Variants in HIBCH observed in about 807,000 individuals in gnomAD.
HIBCH encodes 3-hydroxyisobutyryl-CoA hydrolase, mitochondrial.
Under a neutral mutation model 58.2 loss-of-function variants are expected in HIBCH, and 50 were observed. That is an observed-to-expected ratio of 0.86 (90% confidence interval 0.68 to 1.09). HIBCH has a LOEUF of 1.09. Among genes scored for constraint, HIBCH ranks in the 50% least tolerant of loss-of-function variants. The pLI, the probability that HIBCH is intolerant of heterozygous loss-of-function variation, is 0.00. For missense variants in HIBCH, 450 were observed against 449.7 expected, an observed-to-expected ratio of 1.00 and a Z score of -0.01; for synonymous variants, 151 against 146.9, an observed-to-expected ratio of 1.03 and a Z score of -0.20.
At chr2:190,258,414 AG>A (rs1309916739) in intron 7 of HIBCH, among the ~76,000 whole-genome samples, 2 of 152,354 alleles carry the variant, frequency 1.3e-5, no homozygotes, top group African/African-American at 4.8e-5. Flanking sequence ...ATTGCTATAA[AG>A]ATACCTGGAA....
chr2:190,290,393 GA>G lies in HIBCH; in HGVS notation c.385+11del, dbSNP rs374891270. 764 of 1,557,078 alleles carry G rather than the reference GA, an allele frequency of 4.9e-4. 10 individuals are homozygous for G. In the East Asian group the frequency reaches 0.013, roughly 26 times the overall value. On this transcript the variant is annotated intron_variant, in intron 5 of 13. Transcript: ENST00000359678. ...TATTCCATTTCCAAAGCTCTGAGCA[GA>G]ATACACATACCAACAGCATTATTCA...
chr2:190,278,573 G>C (rs1687621595), intron 6 of HIBCH, among the ~76,000 whole-genome samples: 1 of 152,042 alleles, frequency 6.6e-6, no homozygotes, highest in South Asian at 2.1e-4. Context: ...ACAGTCTTTG[G>C]GAGATTTAGA....
intron 7 of HIBCH, among the ~76,000 whole-genome samples, chr2:190,253,104 G>A (rs374516154): frequency 3.9e-5 from 6 of 152,130 alleles, no homozygotes; most frequent in Admixed American, 2.6e-4. Flanking sequence ...CAGGAGAATC[G>A]CTTGAACCCG....
intron 11 of HIBCH, among the ~76,000 whole-genome samples, chr2:190,218,060 A>G (rs926853341): frequency 3.3e-5 from 5 of 152,094 alleles, no homozygotes; most frequent in Admixed American, 3.3e-4. Flanking sequence ...TAATCAAACT[A>G]ATAGTCAACA....
chr2:190,203,855 T>A (rs148984711), downstream of HIBCH: 47 of 152,250 alleles, frequency 3.1e-4, no homozygotes, highest in African/African-American at 1.0e-3. Context: ...TCCGTTGGCT[T>A]TTTATTCTTA....
In HIBCH at chr2:190,296,692, G is replaced by A; in HGVS notation, c.219+121C>T. The A allele has an allele frequency of 5.5e-6, 5 of 904,208 alleles. No individual in the cohort carries two copies. The Admixed American group carries it at 1.0e-4, about 18-fold the overall frequency. The allele number at this position is 904,208 out of a possible 1,614,324, so 56.0% of individuals were successfully genotyped here. A position where few individuals can be genotyped will look rare whatever the true frequency, so the allele number is the denominator to read the frequency against. ...AGCACTGAAACCTCAAGAATTGATG[G>A]GGCTTACTTAGATGCATATCCCAGA... On this transcript the variant is annotated intron_variant, in intron 3 of 13. Coordinates refer to ENST00000359678, the MANE Select transcript of HIBCH (RefSeq NM_014362.4).
intron 11 of HIBCH, among the ~76,000 whole-genome samples, chr2:190,242,570 G>C (rs1253653516): frequency 6.6e-6 from 1 of 152,038 alleles, no homozygotes; most frequent in East Asian, 1.9e-4. Flanking sequence ...ATCTACCTTT[G>C]AGCTTTGATG....
intron 11 of HIBCH, among the ~76,000 whole-genome samples, chr2:190,221,239 G>C (rs1685709756): frequency 6.6e-6 from 1 of 152,120 alleles, no homozygotes; most frequent in African/African-American, 2.4e-5. Flanking sequence ...CTTCGGGTTT[G>C]GACTCTACCG....
intron 4 of HIBCH, among the ~76,000 whole-genome samples, chr2:190,294,135 T>TA (rs1270428815): frequency 6.6e-6 from 1 of 150,536 alleles, no homozygotes; most frequent in Non-Finnish European, 1.5e-5. Flanking sequence ...TAGGAAAAGT[T>TA]ATGGAAATAT....
intron 6 of HIBCH, among the ~76,000 whole-genome samples, chr2:190,274,549 T>C (rs1417286913): frequency 1.3e-5 from 2 of 152,218 alleles, no homozygotes; most frequent in Non-Finnish European, 1.5e-5. Context: ...TAATTTTCTA[T>C]TATTCATTGT....
chr2:190,209,028 T>C lies in HIBCH; in HGVS notation c.1012-115A>G. ...ACTCCCATGGCCACAACCTGAACCA[T>C]GACATTCAGAGACTGAACCACCTCT... On this transcript the variant is annotated intron_variant, in intron 12 of 13. Coordinates refer to ENST00000359678, the MANE Select transcript of HIBCH (RefSeq NM_014362.4). This position sits in a 1 kb window ranked among gnomAD's most constrained non-coding sequence, Gnocchi z 5.6. The C allele has an allele frequency of 4.5e-6, 4 of 891,602 alleles. No individual in the cohort carries two copies. In the South Asian group the frequency reaches 5.6e-5, roughly 12 times the overall value. The allele number at this position is 891,602 out of a possible 1,614,324, so 55.2% of individuals were successfully genotyped here.
intron 6 of HIBCH, among the ~76,000 whole-genome samples, chr2:190,267,705 T>A (rs1687281210): frequency 6.6e-6 from 1 of 152,218 alleles, no homozygotes; most frequent in African/African-American, 2.4e-5. Flanking sequence ...TTGAGTACAG[T>A]CAATAATCAG....
chr2:190,265,880 A>G (rs1687219613), intron 6 of HIBCH, among the ~76,000 whole-genome samples: 1 of 152,126 alleles, frequency 6.6e-6, no homozygotes, highest in Non-Finnish European at 1.5e-5. Flanking sequence ...TTTGTAACAT[A>G]CTTTGCTTTT....
intron 7 of HIBCH, among the ~76,000 whole-genome samples, chr2:190,257,474 AAATT>A (rs1686957757): frequency 6.6e-6 from 1 of 152,138 alleles, no homozygotes; most frequent in Non-Finnish European, 1.5e-5. Flanking sequence ...AAGATCAATA[AAATT>A]AATAAACCTC....
chr2:190,244,818 C>T lies in HIBCH; in HGVS notation c.891+69G>A, dbSNP rs1043027765. 30 of 984,660 alleles carry T rather than the reference C, an allele frequency of 3.0e-5. No individual in the cohort carries two copies. In the South Asian group the frequency reaches 3.7e-4, roughly 12 times the overall value. 61.0% of individuals were successfully genotyped at this position (984,660 alleles called of 1,614,324 possible). A position where few individuals can be genotyped will look rare whatever the true frequency, so the allele number is the denominator to read the frequency against. ...CACCACCAATGGAGCACTAATACCC[C>T]CTTAGAGAGGCTTCCCTGTCACCGG... On this transcript the variant is annotated intron_variant, in intron 11 of 13. Transcript: ENST00000359678.
At chr2:190,213,364 A>G (rs1690558594) in intron 11 of HIBCH, 1 of 385,148 alleles carries the variant, frequency 2.6e-6, no homozygotes, top group Non-Finnish European at 4.9e-6. Flanking sequence ...AACAGCAATT[A>G]CACTTAAATA....
chr2:190,226,495 T>C (rs934807844), intron 11 of HIBCH, among the ~76,000 whole-genome samples: 1 of 149,522 alleles, frequency 6.7e-6, no homozygotes, highest in African/African-American at 2.5e-5. Flanking sequence ...CTAGGGAGGC[T>C]GAGGCAGGAG....
chr2:190,278,026 C>T, intron 6 of HIBCH, among the ~76,000 whole-genome samples: 1 of 152,106 alleles, frequency 6.6e-6, no homozygotes, highest in East Asian at 1.9e-4. Flanking sequence ...TACTAAAATT[C>T]TACTAAAAAT....
In HIBCH at chr2:190,296,857, C is replaced by A. The variant is rs908860093; in HGVS notation, c.175G>T (p.Ala59Ser). 25 of 1,614,014 alleles carry A rather than the reference C, an allele frequency of 1.5e-5. No individual in the cohort carries two copies. The highest frequency in any genetic ancestry group is 2.0e-5 in the Non-Finnish European group (24 of 1,179,920). Reference protein sequence around the residue: ...ITLNRPKFLNALTLNMIRQIY... With the variant: ...ITLNRPKFLNSLTLNMIRQIY... ...TGCCGAATCATATTAAGAGTCAGTGCATTGAGGAACTTTGGTCTGTTTAGT... is the reference window on the plus strand; with the variant it reads ...TGCCGAATCATATTAAGAGTCAGTGAATTGAGGAACTTTGGTCTGTTTAGT... The change falls in exon 3 of 14, where the codon GCA (alanine) becomes TCA (serine). Residue 59 changes from alanine (A) to serine (S), a missense_variant. Physicochemically the swap from Ala to Ser is moderately conservative, Grantham distance 99. Transcript: ENST00000359678.
Sources: gnomAD v4.1 joint callset for allele counts (sites outside exome capture counted in the v4.1 genomes callset) on GRCh38, gnomAD v4.1.1 for gene constraint, Gnocchi (gnomAD v3.1) non-coding constraint, MANE v1.5 for transcripts, NCBI Gene and HGNC (gene_info 2026-07-23, HGNC 2026-07-21) for gene names.